The following RIT2 variants were observed in gnomAD, a reference collection of about 807,000 sequenced individuals.
RIT2 encodes the protein Ras like without CAAX 2, also known as GTP-binding protein Rit2.
In RIT2, 24 loss-of-function variants were observed where a neutral mutation model predicts 23.7. The observed-to-expected ratio is 1.01, with a 90% CI of 0.73 to 1.43. The LOEUF (loss-of-function observed/expected upper bound fraction) is 1.43, where lower values mean the gene tolerates loss of function less well. Ranked by LOEUF, RIT2 falls within the 40% of genes most tolerant of loss-of-function variation. RIT2 has a pLI of 0.00. For synonymous variants in RIT2, 107 were observed against 91.1 expected (o/e 1.17, Z -0.99); for missense variants, 236 against 266.9 (o/e 0.88, Z 0.81).
chr18:42,809,535 C>T (rs2143973546), intron 4 of RIT2, among the ~76,000 whole-genome samples: 1 of 152,052 alleles, frequency 6.6e-6, no homozygotes, highest in Middle Eastern at 3.4e-3. Flanking sequence ...CAACCTTTCC[C>T]ATCTCACCTG....
chr18:42,895,496 A>T (rs540352611), intron 4 of RIT2, among the ~76,000 whole-genome samples: 2 of 152,278 alleles, frequency 1.3e-5, no homozygotes, highest in South Asian at 2.1e-4. Flanking sequence ...TCGATCTCCA[A>T]ATTTGAATGT....
chr18:42,951,770 C>A (rs531432970), intron 3 of RIT2, among the ~76,000 whole-genome samples: 1 of 152,120 alleles, frequency 6.6e-6, no homozygotes, highest in South Asian at 2.1e-4. Flanking sequence ...AATGTCCATT[C>A]ATGGAATAAT....
At chr18:43,108,827 A>G (rs1913888783) in intron 1 of RIT2, among the ~76,000 whole-genome samples, 1 of 152,200 alleles carries the variant, frequency 6.6e-6, no homozygotes, top group Non-Finnish European at 1.5e-5. Flanking sequence ...AGGTGGTAAC[A>G]ATTAAGGGTG....
At chr18:42,936,035 G>C (rs1439804460) in intron 3 of RIT2, among the ~76,000 whole-genome samples, 1 of 151,522 alleles carries the variant, frequency 6.6e-6, no homozygotes, top group East Asian at 1.9e-4. Flanking sequence ...GCAGGGAGCA[G>C]CTTTTGATAC....
At chr18:42,959,499 T>C (rs1007317126) in intron 3 of RIT2, among the ~76,000 whole-genome samples, 1 of 152,194 alleles carries the variant, frequency 6.6e-6, no homozygotes, top group African/African-American at 2.4e-5. Context: ...AAAAGACAGT[T>C]TTCTCAGTTA....
intron 1 of RIT2, among the ~76,000 whole-genome samples, chr18:43,036,955 T>TA (rs1911995265): frequency 1.3e-5 from 2 of 152,234 alleles, no homozygotes; most frequent in African/African-American, 4.8e-5. Context: ...GATTAAATTT[T>TA]ATTTCATTTT....
intron 3 of RIT2, among the ~76,000 whole-genome samples, chr18:42,930,064 G>C (rs1909288606): frequency 6.6e-6 from 1 of 152,144 alleles, no homozygotes; most frequent in South Asian, 2.1e-4. Context: ...AGAGGCGTTA[G>C]TATGACTCAT....
chr18:42,990,932 A>G (rs866197602), intron 2 of RIT2, among the ~76,000 whole-genome samples: 3 of 40,320 alleles, frequency 7.4e-5, no homozygotes, highest in Non-Finnish European at 1.1e-4. Context: ...TTTTTTTTTT[A>G]AAGACTAACC....
intron 4 of RIT2, among the ~76,000 whole-genome samples, chr18:42,767,793 C>T (rs112569937): frequency 0.088 from 13,340 of 152,094 alleles, 783 homozygotes; most frequent in Non-Finnish European, 0.14. Context: ...CAGTCTTTCC[C>T]GTGCTATTCT....
chr18:43,093,199 T>G (rs1913466055), intron 1 of RIT2, among the ~76,000 whole-genome samples: 1 of 151,910 alleles, frequency 6.6e-6, no homozygotes, highest in Admixed American at 6.6e-5. Flanking sequence ...GCTTTTTAAA[T>G]GAGAAAATAG....
At chr18:43,092,964 T>A (rs913536943) in intron 1 of RIT2, among the ~76,000 whole-genome samples, 35 of 152,044 alleles carry the variant, frequency 2.3e-4, no homozygotes, top group African/African-American at 7.5e-4. Context: ...AATACGAGCT[T>A]TGACAAATGC....
rs148927597 is a variant in RIT2, at chr18:43,071,969, TTTGTTGTTG to T, written c.104-38111_104-38103del. Among the ~76,000 whole-genome samples the T allele has an allele frequency of 7.9e-5, 12 of 151,450 alleles. No individual in the cohort carries two copies. The East Asian group carries it at 1.4e-3, about 17-fold the overall frequency. ...GAAAATTCATTTATGCCTCTAGTGT[TTTGTTGTTG>T]TTGTTGTTGTTGTTGTTTTGTTTTT... On this transcript the variant is annotated intron_variant, in intron 1 of 4. Transcript: ENST00000326695.
chr18:42,781,022 C>T (rs1316519092), intron 4 of RIT2, among the ~76,000 whole-genome samples: 1 of 152,020 alleles, frequency 6.6e-6, no homozygotes, highest in African/African-American at 2.4e-5. Context: ...TTGTGGTTGA[C>T]CTGCAGTGAA....
At chr18:42,768,096 T>TAA (rs1156301265) in intron 4 of RIT2, among the ~76,000 whole-genome samples, 1 of 151,858 alleles carries the variant, frequency 6.6e-6, no homozygotes, top group Non-Finnish European at 1.5e-5. Flanking sequence ...TATATATATA[T>TAA]AACCTCATGA....
At chr18:43,025,221 CAAAACAAAAAA>C (rs1334941944) in intron 2 of RIT2, among the ~76,000 whole-genome samples, 3 of 121,924 alleles carry the variant, frequency 2.5e-5, no homozygotes, top group African/African-American at 3.0e-5. Context: ...AAAAACAAAA[CAAAACAAAAAA>C]AAAACAAAAA....
At chr18:43,106,632 C>G (rs935605110) in intron 1 of RIT2, among the ~76,000 whole-genome samples, 1 of 152,182 alleles carries the variant, frequency 6.6e-6, no homozygotes, top group African/African-American at 2.4e-5. Flanking sequence ...GTCCCCCACT[C>G]CCCCTTCGGC....
At chr18:42,966,109 T>C (rs1261562383) in intron 3 of RIT2, among the ~76,000 whole-genome samples, 1 of 152,292 alleles carries the variant, frequency 6.6e-6, no homozygotes, top group East Asian at 1.9e-4. Context: ...CTTCTAATTT[T>C]TTATATTCAT....
intron 2 of RIT2, among the ~76,000 whole-genome samples, chr18:43,004,915 G>A (rs1032420026): frequency 6.6e-6 from 1 of 151,808 alleles, no homozygotes; most frequent in African/African-American, 2.4e-5. Flanking sequence ...ATCACAGGCT[G>A]GCTATCAGAA....
At chr18:42,920,833 G>T in intron 4 of RIT2, 1 of 998,770 alleles carries the variant, frequency 1.0e-6, no homozygotes, top group Non-Finnish European at 1.6e-6. Flanking sequence ...TAGCACCAGT[G>T]TAATTTCACC....
Sources: allele counts gnomAD v4.1 joint callset (sites outside exome capture counted in the v4.1 genomes callset), GRCh38; gene constraint gnomAD v4.1.1; transcripts MANE v1.5; gene names NCBI Gene and HGNC (gene_info 2026-07-23, HGNC 2026-07-21).